The following TTYH2 variants were observed in gnomAD, a reference collection of about 807,000 sequenced individuals.
The protein encoded by TTYH2 is tweety family member 2, also known as protein tweety homolog 2.
Under a neutral mutation model 68.3 loss-of-function variants are expected in TTYH2, and 49 were observed. That is an observed-to-expected ratio of 0.72 (90% CI 0.57 to 0.91). The LOEUF (loss-of-function observed/expected upper bound fraction) is 0.91. TTYH2 is among the 40% of genes least tolerant of loss of function. TTYH2 has a pLI of 0.00. For synonymous variants in TTYH2, 272 were observed against 300.8 expected (o/e 0.90, Z 0.99); for missense variants, 631 against 700.4 (o/e 0.90, Z 1.12).
rs933600716 is a variant in TTYH2, at chr17:74,241,516, A to G, written c.636-1858A>G. The stretch of plus-strand genomic sequence containing the variant: ...GATTAGTCCCCTTCTTTTGGCAGTA[A>G]GCCTCAATTCGGGGAGTCAGAAAGA... On this transcript the variant is annotated intron_variant, in intron 4 of 13. Transcript: ENST00000269346. This position sits in a 1 kb window ranked among gnomAD's most constrained non-coding sequence, Gnocchi z 4.1. Among the ~76,000 whole-genome samples, 2 of 152,100 alleles carry G rather than the reference A, an allele frequency of 1.3e-5. No individual in the cohort carries two copies. The highest frequency in any genetic ancestry group is 4.8e-5 in the African/African-American group (2 of 41,400).
intron 2 of TTYH2, among the ~76,000 whole-genome samples, chr17:74,229,735 C>G (rs1598218123): frequency 6.6e-6 from 1 of 152,180 alleles, no homozygotes. Context: ...ATCTTAAATC[C>G]ATATTACTAA....
chr17:74,225,218 C>G (rs898906087), intron 2 of TTYH2, among the ~76,000 whole-genome samples: 2 of 151,500 alleles, frequency 1.3e-5, no homozygotes, highest in African/African-American at 2.4e-5. Flanking sequence ...GAGGCAGGAG[C>G]GAGCATGGGG....
In TTYH2 at chr17:74,248,564, C is replaced by A. The variant is rs577373907; in HGVS notation, c.805-447C>A. Reference sequence around the variant, plus strand: ...AGATTGAACACCCGTCCCTGTAGCACTTGATCATAGCAAGACAAAATGTAA... The same window carrying A: ...AGATTGAACACCCGTCCCTGTAGCAATTGATCATAGCAAGACAAAATGTAA... On this transcript the variant is annotated intron_variant, in intron 6 of 13. Coordinates refer to ENST00000269346, the MANE Select transcript of TTYH2 (RefSeq NM_032646.6). 39 of 1,015,526 alleles carry A rather than the reference C, an allele frequency of 3.8e-5. 1 individual carries two copies. The South Asian group carries it at 1.5e-3, about 39-fold the overall frequency. The allele number at this position is 1,015,526 out of a possible 1,614,324, so 62.9% of individuals were successfully genotyped here.
In TTYH2 at chr17:74,241,248, C is replaced by T. The variant is rs2382837; in HGVS notation, c.636-2126C>T. On this transcript the variant is annotated intron_variant, in intron 4 of 13. Transcript: ENST00000269346. The surrounding 1 kb of genome is among the most constrained non-coding windows in gnomAD (Gnocchi z 4.1). ...CCAGCCTGGACAACATAGACAGACC[C>T]GGTATTTATAATACGTGTGTGTGTG... Among the ~76,000 whole-genome samples the T allele has an allele frequency of 0.23, 34,340 of 150,512 alleles. 4,170 individuals are homozygous for T. Among genetic ancestry groups the T allele is most frequent in the South Asian group, 0.3 (1,443 of 4,772 alleles).
intron 2 of TTYH2, among the ~76,000 whole-genome samples, chr17:74,229,369 A>G (rs1460311144): frequency 6.6e-6 from 1 of 152,120 alleles, no homozygotes; most frequent in African/African-American, 2.4e-5. Context: ...CAGTCTCCCA[A>G]CTTTTGGAGT....
In TTYH2 at chr17:74,230,837, C is replaced by T. The variant is rs1347467186; in HGVS notation, c.303-51C>T. ...AAGCTTATTTTTTAATATAAGCAAA[C>T]ATTCTCCTCTGTGTATCACCTCTAA... On this transcript the variant is annotated intron_variant, in intron 2 of 13. Coordinates refer to ENST00000269346, the MANE Select transcript of TTYH2 (RefSeq NM_032646.6). 5.7e-6 allele frequency: 9 copies of T among 1,580,450 alleles called. No homozygotes were observed. The South Asian group carries it at 7.8e-5, about 14-fold the overall frequency.
chr17:74,216,010 G>C (rs2050218956), intron 1 of TTYH2, among the ~76,000 whole-genome samples: 2 of 152,236 alleles, frequency 1.3e-5, no homozygotes, highest in African/African-American at 4.8e-5. Flanking sequence ...TTCTTTCCAT[G>C]TGTGACCACG....
intron 2 of TTYH2, among the ~76,000 whole-genome samples, chr17:74,226,521 G>A (rs535186947): frequency 1.3e-5 from 2 of 152,284 alleles, no homozygotes; most frequent in East Asian, 3.9e-4. Context: ...CGTCCACTGG[G>A]ACACAGGAAC....
At chr17:74,218,972 G>A (rs1468358660) in intron 1 of TTYH2, among the ~76,000 whole-genome samples, 2 of 152,188 alleles carry the variant, frequency 1.3e-5, no homozygotes, top group African/African-American at 4.8e-5. Flanking sequence ...GCTCACGCCC[G>A]TAATCCCAGC....
chr17:74,249,817 G>C, intron 8 of TTYH2, 119 bp from the exon 9 acceptor site: 1 of 1,210,726 alleles, frequency 8.3e-7, no homozygotes, highest in Admixed American at 1.7e-5. Context: ...AGGTGGGGGG[G>C]TGGGAGGGGC....
At chr17:74,246,974 G>A (rs955305814) in intron 6 of TTYH2, among the ~76,000 whole-genome samples, 6 of 152,070 alleles carry the variant, frequency 3.9e-5, no homozygotes, top group African/African-American at 7.2e-5. Flanking sequence ...CCTGAGGTCA[G>A]GAGTTCAAAA....
Position 74,218,703 on chromosome 17 carries a change from G to A in TTYH2, c.130-3782G>A, listed in dbSNP as rs77976856. On this transcript the variant is annotated intron_variant, in intron 1 of 13. Coordinates refer to ENST00000269346, the MANE Select transcript of TTYH2 (RefSeq NM_032646.6). ...GAGACCGGGAGGCTGGAGGAGGCTT[G>A]AGAGAGTGAAACGGGGGAGCAGGCT... 7.4e-3 allele frequency among the ~76,000 whole-genome samples: 1,122 copies of A among 152,302 alleles called. 9 individuals carry two copies. The highest frequency in any genetic ancestry group is 0.014 in the African/African-American group (590 of 41,562).
chr17:74,248,270 A>G (rs2050581444), intron 6 of TTYH2: 2 of 985,602 alleles, frequency 2.0e-6, no homozygotes, highest in Non-Finnish European at 2.4e-6. Context: ...ACCCCAGGCC[A>G]GATCTGGGGT....
intron 1 of TTYH2, among the ~76,000 whole-genome samples, chr17:74,220,715 GC>G (rs1378469515): frequency 6.6e-6 from 1 of 151,552 alleles, no homozygotes; most frequent in Admixed American, 6.6e-5. Flanking sequence ...CCCAGCCCCA[GC>G]CCCCTGCCAC....
chr17:74,250,092 C>G (rs559616470), intron 9 of TTYH2, 64 bp downstream of exon 9: 1 of 1,570,516 alleles, frequency 6.4e-7, no homozygotes, highest in Non-Finnish European at 8.8e-7. Flanking sequence ...TCCCCTGCCC[C>G]GGCCCCAGGG....
At chr17:74,247,304 G>A (rs1388061696) in intron 6 of TTYH2, among the ~76,000 whole-genome samples, 1 of 152,080 alleles carries the variant, frequency 6.6e-6, no homozygotes, top group South Asian at 2.1e-4. Flanking sequence ...TAACATGTGG[G>A]AATTCAAGAT....
rs1219523177 is a variant in TTYH2, at chr17:74,261,272, A to C, written c.*1063A>C. 1 of 152,160 alleles carries C rather than the reference A, an allele frequency of 6.6e-6. No individual in the cohort carries two copies. The highest frequency in any genetic ancestry group is 2.4e-5 in the African/African-American group (1 of 41,418). The allele number at this position is 152,160 out of a possible 1,614,324, so 9.4% of individuals were successfully genotyped here. A position where few individuals can be genotyped will look rare whatever the true frequency, so the allele number is the denominator to read the frequency against. On this transcript the variant is annotated 3_prime_UTR_variant, in exon 14 of 14. Coordinates refer to ENST00000269346, the MANE Select transcript of TTYH2 (RefSeq NM_032646.6). The stretch of plus-strand genomic sequence containing the variant: ...GGATCTGGGTTCATCTCACCCACAG[A>C]GGGAGGATCTTTAAGAGGAGAAAAA...
chr17:74,252,468 A>G, intron 11 of TTYH2, 92 bp downstream of exon 11: 1 of 1,456,522 alleles, frequency 6.9e-7, no homozygotes, highest in African/African-American at 1.4e-5. Flanking sequence ...TTAGCTGATA[A>G]CCCAGGACTG....
intron 13 of TTYH2, among the ~76,000 whole-genome samples, chr17:74,255,266 G>C (rs2050681685): frequency 6.6e-6 from 1 of 152,100 alleles, no homozygotes; most frequent in Non-Finnish European, 1.5e-5. Context: ...CCCATCTATA[G>C]AATGAGTATG....
Sources: allele counts gnomAD v4.1 joint callset (sites outside exome capture counted in the v4.1 genomes callset), GRCh38; gene constraint gnomAD v4.1.1; non-coding constraint Gnocchi (gnomAD v3.1); transcripts MANE v1.5; gene names NCBI Gene and HGNC (gene_info 2026-07-23, HGNC 2026-07-21).